RLN2: variants seen among roughly 807,000 people sequenced by gnomAD.
RLN2 encodes prorelaxin H2.
A neutral mutation model predicts 7.3 loss-of-function variants in RLN2; 10 were observed. That is an observed-to-expected ratio of 1.36 (90% confidence interval 0.84 to 2.31). The LOEUF (loss-of-function observed/expected upper bound fraction) is 2.31, where lower values mean the gene tolerates loss of function less well. Ranked by LOEUF, RLN2 falls within the 30% of genes most tolerant of loss-of-function variation. The probability of loss-of-function intolerance (pLI) is 0.00; values close to 1 mark genes in which losing one functional copy is unlikely to be tolerated. For missense variants in RLN2, 298 were observed against 217.6 expected, an observed-to-expected ratio of 1.37 and a Z score of -2.32; for synonymous variants, 103 against 82.3, an observed-to-expected ratio of 1.25 and a Z score of -1.36.
At chr9:5,314,886 T>C in the RLN2 span, among the ~76,000 whole-genome samples, 4 of 152,024 alleles carry the variant, frequency 2.6e-5, no homozygotes, top group Non-Finnish European at 4.4e-5. Flanking sequence ...TGGTGCCCTA[T>C]TGGCTCCGTT....
the RLN2 span, among the ~76,000 whole-genome samples, chr9:5,331,021 A>G: frequency 1.3e-5 from 2 of 152,004 alleles, no homozygotes; most frequent in Admixed American, 6.6e-5. Context: ...ATTCCTGGAC[A>G]TGTATACCCT....
intron 1 of RLN2, 61 bp from the exon 2 acceptor site, chr9:5,300,505 A>T: frequency 8.9e-7 from 1 of 1,123,566 alleles, no homozygotes; most frequent in Non-Finnish European, 1.3e-6. Flanking sequence ...AGCACTCAGA[A>T]AAACTATGAA....
chr9:5,314,565 TAAAC>T, the RLN2 span, among the ~76,000 whole-genome samples: 1 of 152,126 alleles, frequency 6.6e-6, no homozygotes, highest in Non-Finnish European at 1.5e-5. Context: ...ACATCTTAGC[TAAAC>T]AGAGCACTGA....
Position 5,300,126 on chromosome 9 carries a change from G to C in RLN2, c.530C>G (p.Thr177Ser). The C allele has an allele frequency of 1.2e-6, 2 of 1,601,196 alleles. No individual in the cohort carries two copies. Among genetic ancestry groups the C allele is most frequent in the Non-Finnish European group, 8.5e-7 (1 of 1,175,820 alleles). Residue 177 changes from threonine (T) to serine (S), a missense_variant, in exon 2 of 2, where the codon ACC becomes AGC. By Grantham distance (58) the Thr-to-Ser change is moderately conservative. Coordinates refer to ENST00000381627, the MANE Select transcript of RLN2 (RefSeq NM_134441.3). ...GCAAAATCTAGCAAGAGATCTTTTG[G>C]TACAACCAACATGGCAACATTTATT... is the stretch of plus-strand genomic sequence containing the variant. ...LANKCCHVGCTKRSLARFC is the reference protein window; with the variant it reads ...LANKCCHVGCSKRSLARFC
the RLN2 span, among the ~76,000 whole-genome samples, chr9:5,327,316 C>G: frequency 2.6e-5 from 4 of 152,002 alleles, 1 homozygote; most frequent in African/African-American, 9.7e-5. Context: ...TGAGATCGAC[C>G]GGCTACGCAG....
the RLN2 span, among the ~76,000 whole-genome samples, chr9:5,318,005 T>C: frequency 8.8e-5 from 12 of 136,218 alleles, no homozygotes; most frequent in Admixed American, 7.4e-4. Flanking sequence ...TGTGTGTGTG[T>C]GCGTGTGTGT....
chr9:5,319,967 G>A, the RLN2 span, among the ~76,000 whole-genome samples: 1 of 150,064 alleles, frequency 6.7e-6, no homozygotes, highest in African/African-American at 2.5e-5. Context: ...ATGCACTAAG[G>A]TTCATCCTCT....
chr9:5,305,616 A>G (rs935553640), upstream of RLN2, among the ~76,000 whole-genome samples: 1 of 152,056 alleles, frequency 6.6e-6, no homozygotes, highest in Non-Finnish European at 1.5e-5. Flanking sequence ...GTTAGTAGAC[A>G]ACCCTTCTAC....
the RLN2 span, among the ~76,000 whole-genome samples, chr9:5,324,057 A>G: frequency 6.6e-6 from 1 of 151,930 alleles, no homozygotes; most frequent in African/African-American, 2.4e-5. Context: ...AAAATAAATA[A>G]ATAAATAAAT....
upstream of RLN2, among the ~76,000 whole-genome samples, chr9:5,307,718 T>C (rs760058082): frequency 2.6e-5 from 4 of 152,154 alleles, no homozygotes; most frequent in East Asian, 1.9e-4. Flanking sequence ...CTCCATTTCA[T>C]AGAGCACTCC....
intron 1 of RLN2, among the ~76,000 whole-genome samples, chr9:5,302,860 T>TAC (rs1816178638): frequency 6.6e-6 from 1 of 150,392 alleles, no homozygotes; most frequent in African/African-American, 2.5e-5. Flanking sequence ...ATGCAAAAGA[T>TAC]ATATACATAT....
At chr9:5,329,613 G>A in the RLN2 span, among the ~76,000 whole-genome samples, 1 of 148,806 alleles carries the variant, frequency 6.7e-6, no homozygotes, top group South Asian at 2.1e-4. Flanking sequence ...TGCAATCCTA[G>A]TCTCTGATAA....
chr9:5,327,547 G>T, the RLN2 span, among the ~76,000 whole-genome samples: 1 of 152,072 alleles, frequency 6.6e-6, no homozygotes, highest in African/African-American at 2.4e-5. Context: ...TCTAAAGAGA[G>T]CAGTGGTTCT....
chr9:5,325,283 G>C, the RLN2 span, among the ~76,000 whole-genome samples: 1 of 151,690 alleles, frequency 6.6e-6, no homozygotes, highest in Non-Finnish European at 1.5e-5. Flanking sequence ...ACTACTGGAA[G>C]TCCATCAAAG....
chr9:5,333,103 T>C, the RLN2 span, among the ~76,000 whole-genome samples: 17 of 152,026 alleles, frequency 1.1e-4, no homozygotes, highest in African/African-American at 4.1e-4. Context: ...GCAAATATTT[T>C]AGTGATGCGT....
the RLN2 span, among the ~76,000 whole-genome samples, chr9:5,337,259 C>G: frequency 2.0e-3 from 300 of 152,110 alleles, 5 homozygotes; most frequent in African/African-American, 7.0e-3. Flanking sequence ...TTTCTGTATA[C>G]TTAAAGCCAG....
rs1827128853 is a variant in RLN2 at position 5,300,208 on chromosome 9, AT to A, written c.447del (p.Lys149AsnfsTer3). The part of the protein sequence containing the change: ...EAADSSPSEL[K>X]YLGLDTHSRK... ...CGAGAATGAGTATCCAAGCCTAAGT[AT>A]TTTAATTCTGAAGGACTGCTGTCTG... On this transcript the variant is annotated frameshift_variant, in exon 2 of 2. Transcript: ENST00000381627. LOFTEE classifies it low-confidence loss of function (END_TRUNC). 3.1e-6 allele frequency: 5 copies of A among 1,614,064 alleles called. No homozygotes were observed. The highest frequency in any genetic ancestry group is 4.2e-6 in the Non-Finnish European group (5 of 1,179,912).
upstream of RLN2, among the ~76,000 whole-genome samples, chr9:5,308,584 G>A (rs13293410): frequency 0.18 from 26,607 of 151,816 alleles, 2,441 homozygotes; most frequent in South Asian, 0.21. Context: ...ACATCACAAG[G>A]GACCCCAGAG....
At chr9:5,301,378 G>A (rs1424876535) in intron 1 of RLN2, among the ~76,000 whole-genome samples, 13 of 152,178 alleles carry the variant, frequency 8.5e-5, no homozygotes. Flanking sequence ...CTGTTTCCAT[G>A]TCTCTGGCAC....
Sources: gnomAD v4.1 joint callset for allele counts (sites outside exome capture counted in the v4.1 genomes callset) on GRCh38, gnomAD v4.1.1 for gene constraint, MANE v1.5 for transcripts, NCBI Gene and HGNC (gene_info 2026-07-23, HGNC 2026-07-21) for gene names.